The following EHBP1 variants were observed in gnomAD, a reference collection of about 807,000 sequenced individuals.
The protein encoded by EHBP1 is EH domain binding protein 1, also known as EH domain-binding protein 1.
In EHBP1, 55 loss-of-function variants were observed where a neutral mutation model predicts 144.0. That is an observed-to-expected ratio of 0.38 (90% confidence interval 0.31 to 0.48). The LOEUF (loss-of-function observed/expected upper bound fraction) is 0.48. Ranked by LOEUF, EHBP1 falls within the 20% of genes least tolerant of loss-of-function variation. The pLI is 0.98. For synonymous variants in EHBP1, 469 were observed against 472.7 expected, an observed-to-expected ratio of 0.99 and a Z score of 0.10; for missense variants, 1,200 against 1,364.2, an observed-to-expected ratio of 0.88 and a Z score of 1.90.
intron 18 of EHBP1, among the ~76,000 whole-genome samples, chr2:62,994,329 G>A (rs575465474): frequency 1.3e-5 from 2 of 152,220 alleles, no homozygotes; most frequent in African/African-American, 4.8e-5. Context: ...CATGAGACCT[G>A]CTAGAATTTC....
chr2:62,881,892 G>A (rs180830309), intron 10 of EHBP1: 1 of 152,098 alleles, frequency 6.6e-6, no homozygotes, highest in Non-Finnish European at 1.5e-5. Flanking sequence ...CTCATAGCTG[G>A]TAATGTTAAA....
intron 10 of EHBP1, among the ~76,000 whole-genome samples, chr2:62,885,405 CA>C (rs2051840362): frequency 6.6e-6 from 1 of 151,798 alleles, no homozygotes; most frequent in Admixed American, 6.6e-5. Flanking sequence ...TTTAAAAAAA[CA>C]GCTTAAGAAA....
At chr2:63,010,660 C>G (rs1465543326) in intron 19 of EHBP1, among the ~76,000 whole-genome samples, 1 of 151,646 alleles carries the variant, frequency 6.6e-6, no homozygotes, top group Non-Finnish European at 1.5e-5. Context: ...CAATTTGACA[C>G]TGACTTTGTG....
chr2:62,697,993 C>G (rs1338741365), intron 1 of EHBP1, among the ~76,000 whole-genome samples: 1 of 152,164 alleles, frequency 6.6e-6, no homozygotes, highest in Non-Finnish European at 1.5e-5. Context: ...GAGAGAAGTA[C>G]TCAACAAGTT....
intron 8 of EHBP1, among the ~76,000 whole-genome samples, chr2:62,861,335 G>A (rs1249123302): frequency 2.6e-5 from 4 of 151,268 alleles, no homozygotes; most frequent in Admixed American, 6.6e-5. Context: ...TCGCCATGTC[G>A]GCCAGGATGG....
intron 10 of EHBP1, among the ~76,000 whole-genome samples, chr2:62,894,687 C>T (rs757333546): frequency 6.6e-6 from 1 of 152,062 alleles, no homozygotes; most frequent in Non-Finnish European, 1.5e-5. Context: ...GAAATTTGGA[C>T]TTTATTGTGT....
intron 14 of EHBP1, among the ~76,000 whole-genome samples, chr2:62,974,556 T>C (rs2058633963): frequency 1.3e-5 from 2 of 152,232 alleles, no homozygotes; most frequent in South Asian, 4.1e-4. Flanking sequence ...TTGTCTAGGA[T>C]ATCCTACCTT....
intron 8 of EHBP1, among the ~76,000 whole-genome samples, chr2:62,862,529 G>C (rs2049657484): frequency 6.6e-6 from 1 of 152,138 alleles, no homozygotes; most frequent in Admixed American, 6.5e-5. Context: ...AGAATAGCTT[G>C]ACACCGGGAG....
intron 4 of EHBP1, among the ~76,000 whole-genome samples, chr2:62,765,584 T>C (rs1255513086): frequency 6.6e-6 from 1 of 152,156 alleles, no homozygotes. Context: ...TTGTGCATTG[T>C]GGGAAGCTGC....
intron 2 of EHBP1, among the ~76,000 whole-genome samples, chr2:62,739,567 G>A (rs1287428680): frequency 1.3e-5 from 2 of 152,100 alleles, no homozygotes; most frequent in Admixed American, 1.3e-4. Flanking sequence ...AAAGTATGAA[G>A]TATTATTTGA....
intron 10 of EHBP1, among the ~76,000 whole-genome samples, chr2:62,912,938 A>G (rs1394511387): frequency 6.6e-6 from 1 of 152,152 alleles, no homozygotes; most frequent in Non-Finnish European, 1.5e-5. Context: ...AAATTAACCC[A>G]CTTCTTTTCT....
At chr2:62,682,356 C>T (rs1243442537) in intron 1 of EHBP1, among the ~76,000 whole-genome samples, 1 of 152,162 alleles carries the variant, frequency 6.6e-6, no homozygotes, top group Non-Finnish European at 1.5e-5. Context: ...TGATCGTTGT[C>T]ATTGTCTTCT....
At chr2:62,905,249 A>G (rs1323010428) in intron 10 of EHBP1, among the ~76,000 whole-genome samples, 1 of 152,166 alleles carries the variant, frequency 6.6e-6, no homozygotes, top group Non-Finnish European at 1.5e-5. Flanking sequence ...AAAGGTGAGA[A>G]TGGGTTAGCC....
intron 1 of EHBP1, among the ~76,000 whole-genome samples, chr2:62,686,794 G>A (rs2033733127): frequency 6.6e-6 from 1 of 152,056 alleles, no homozygotes; most frequent in African/African-American, 2.4e-5. Flanking sequence ...AATCCTTTCG[G>A]CCAGCTGTAT....
chr2:62,872,798 GT>G (rs2050592593), intron 9 of EHBP1, among the ~76,000 whole-genome samples: 1 of 152,002 alleles, frequency 6.6e-6, no homozygotes, highest in Non-Finnish European at 1.5e-5. Context: ...TCTACTTTCT[GT>G]TTCTGTGAAT....
intron 1 of EHBP1, among the ~76,000 whole-genome samples, chr2:62,683,071 T>C (rs1255515282): frequency 2.0e-5 from 3 of 152,134 alleles, no homozygotes; most frequent in African/African-American, 7.2e-5. Context: ...AGGGAATTTA[T>C]TGGCTTATAT....
At chr2:62,842,333 C>G (rs2047960117) in intron 7 of EHBP1, among the ~76,000 whole-genome samples, 1 of 152,148 alleles carries the variant, frequency 6.6e-6, no homozygotes, top group Non-Finnish European at 1.5e-5. Context: ...GAGATCCGCC[C>G]GCTTTCCTCC....
chr2:62,797,709 A>G (rs1353909470), intron 5 of EHBP1, among the ~76,000 whole-genome samples: 2 of 152,226 alleles, frequency 1.3e-5, no homozygotes, highest in Non-Finnish European at 2.9e-5. Flanking sequence ...AACAAAAAAC[A>G]AAAATACAAA....
At chr2:62,734,677 A>C (rs927669208) in intron 2 of EHBP1, among the ~76,000 whole-genome samples, 1 of 151,918 alleles carries the variant, frequency 6.6e-6, no homozygotes, top group Non-Finnish European at 1.5e-5. Flanking sequence ...TGTCTACCTT[A>C]TTTGTTACTG....
Sources: gnomAD v4.1 joint callset for allele counts (sites outside exome capture counted in the v4.1 genomes callset) on GRCh38, gnomAD v4.1.1 for gene constraint, MANE v1.5 for transcripts, NCBI Gene and HGNC (gene_info 2026-07-23, HGNC 2026-07-21) for gene names.